Variants in CTNNA2 observed in about 807,000 individuals in gnomAD.
The protein encoded by CTNNA2 is catenin alpha-2.
Under a neutral mutation model 101.0 loss-of-function variants are expected in CTNNA2, and 42 were observed. That is an observed-to-expected ratio of 0.42 (90% CI 0.32 to 0.54). The LOEUF is 0.54. Ranked by LOEUF, CTNNA2 falls within the 20% of genes least tolerant of loss-of-function variation. CTNNA2 has a pLI of 0.14. For synonymous variants in CTNNA2, 450 were observed against 456.4 expected (o/e 0.99, Z 0.18); for missense variants, 871 against 1,223.1 (o/e 0.71, Z 4.29).
chr2:79,387,404 T>C (rs1446247422), intron 4 of CTNNA2, among the ~76,000 whole-genome samples: 1 of 152,232 alleles, frequency 6.6e-6, no homozygotes, highest in Non-Finnish European at 1.5e-5. Flanking sequence ...CATTCTGAAC[T>C]TGCTTCTGAA....
chr2:80,172,558 C>T (rs1443683741), intron 7 of CTNNA2, among the ~76,000 whole-genome samples: 4 of 152,204 alleles, frequency 2.6e-5, no homozygotes, highest in Admixed American at 2.6e-4. Context: ...TCTCAGGCTA[C>T]ACCTCAAGCC....
At chr2:79,847,729 C>A (rs1466140156) in intron 3 of CTNNA2, among the ~76,000 whole-genome samples, 4 of 152,096 alleles carry the variant, frequency 2.6e-5, no homozygotes, top group Admixed American at 6.6e-5. Flanking sequence ...CCTCTGTACT[C>A]TGCATTTCCT....
intron 4 of CTNNA2, among the ~76,000 whole-genome samples, chr2:79,466,665 C>T (rs1223997185): frequency 1.3e-5 from 2 of 152,188 alleles, no homozygotes; most frequent in Admixed American, 6.5e-5. Context: ...GCCGAGTACC[C>T]CTCTGAGACG....
At chr2:80,374,170 A>T (rs1021928028) in intron 7 of CTNNA2, among the ~76,000 whole-genome samples, 1 of 152,138 alleles carries the variant, frequency 6.6e-6, no homozygotes, top group African/African-American at 2.4e-5. Context: ...CCCATCATCC[A>T]GGTAGTAAAC....
chr2:79,222,869 C>G (rs1364530589), intron 2 of CTNNA2, among the ~76,000 whole-genome samples: 1 of 151,982 alleles, frequency 6.6e-6, no homozygotes, highest in Non-Finnish European at 1.5e-5. Context: ...GGCCCCAGAC[C>G]AAACACAGTG....
rs80350967 is a variant in CTNNA2, at chr2:80,116,042, A to G, written c.1056+206245A>G. Among the ~76,000 whole-genome samples, 69 of 140,204 alleles carry G rather than the reference A, an allele frequency of 4.9e-4. No homozygotes were observed. In the East Asian group the frequency reaches 0.016, roughly 33 times the overall value. The allele number at this position is 140,204 out of a possible 152,430, so 92.0% of individuals were successfully genotyped here. ...AAAGAATGTCTTATGGTATAGAATCAAGTTTAATAAACTTTTTTTTTTCCC... is the reference window on the plus strand; with the variant it reads ...AAAGAATGTCTTATGGTATAGAATCGAGTTTAATAAACTTTTTTTTTTCCC... On this transcript the variant is annotated intron_variant, in intron 7 of 18. Transcript: ENST00000402739.
chr2:80,127,319 G>C (rs1702193208), intron 7 of CTNNA2, among the ~76,000 whole-genome samples: 1 of 152,102 alleles, frequency 6.6e-6, no homozygotes, highest in African/African-American at 2.4e-5. Context: ...ATACACCTTA[G>C]CTTGCTGTCC....
intron 7 of CTNNA2, among the ~76,000 whole-genome samples, chr2:80,389,885 C>G (rs1049595901): frequency 7.2e-5 from 11 of 151,972 alleles, no homozygotes; most frequent in African/African-American, 2.7e-4. Context: ...CTGGAGAAAC[C>G]CAGGATCACA....
chr2:80,341,858 A>G (rs574131192), intron 7 of CTNNA2, among the ~76,000 whole-genome samples: 1 of 152,362 alleles, frequency 6.6e-6, no homozygotes, highest in East Asian at 1.9e-4. Flanking sequence ...TGCAGAGAAC[A>G]CAAATGTCTG....
At chr2:79,255,382 TAAGTAG>T (rs1674830591) in intron 2 of CTNNA2, among the ~76,000 whole-genome samples, 1 of 152,210 alleles carries the variant, frequency 6.6e-6, no homozygotes, top group Non-Finnish European at 1.5e-5. Context: ...CCAAATTTAC[TAAGTAG>T]AAGGTAAATT....
At chr2:79,646,580 G>A (rs566714240) in intron 1 of CTNNA2, among the ~76,000 whole-genome samples, 1 of 142,164 alleles carries the variant, frequency 7.0e-6, no homozygotes, top group South Asian at 2.2e-4. Flanking sequence ...TCAGGCTGGA[G>A]TGCAGTGGCA....
chr2:79,814,364 G>A (rs1401587152), intron 3 of CTNNA2, among the ~76,000 whole-genome samples: 4 of 152,048 alleles, frequency 2.6e-5, no homozygotes, highest in Non-Finnish European at 5.9e-5. Context: ...ACACTGCACC[G>A]TATTTGTAGT....
chr2:79,897,700 T>C (rs1684811227), intron 6 of CTNNA2, among the ~76,000 whole-genome samples: 1 of 152,238 alleles, frequency 6.6e-6, no homozygotes, highest in Non-Finnish European at 1.5e-5. Context: ...TTAGTCCATT[T>C]GTGCTTCTAA....
intron 7 of CTNNA2, among the ~76,000 whole-genome samples, chr2:80,183,085 TG>T (rs1705882819): frequency 6.6e-6 from 1 of 152,180 alleles, no homozygotes; most frequent in South Asian, 2.1e-4. Context: ...ATGGTATTCC[TG>T]GTATTATTCC....
Position 80,501,671 on chromosome 2 carries a change from C to T in CTNNA2, c.1291-43311C>T, listed in dbSNP as rs186461290. Among the ~76,000 whole-genome samples the T allele has an allele frequency of 1.0e-3, 158 of 152,252 alleles. 2 individuals are homozygous for T. Among genetic ancestry groups the T allele is most frequent in the South Asian group, 2.5e-3 (12 of 4,828 alleles). The stretch of plus-strand genomic sequence containing the variant: ...GTGCAAAGGATTTATTATGAATGTG[C>T]GTTCAGGAGGAACCCCTAAGGGAGT... On this transcript the variant is annotated intron_variant, in intron 9 of 18. Transcript: ENST00000402739.
At chr2:80,282,044 G>A (rs1171638362) in intron 7 of CTNNA2, among the ~76,000 whole-genome samples, 1 of 151,932 alleles carries the variant, frequency 6.6e-6, no homozygotes, top group African/African-American at 2.4e-5. Flanking sequence ...AATGATGCTA[G>A]CAACTGTTTC....
intron 1 of CTNNA2, among the ~76,000 whole-genome samples, chr2:79,583,206 CAT>C (rs564813016): frequency 5.0e-4 from 74 of 149,346 alleles, no homozygotes; most frequent in Admixed American, 1.1e-3. Context: ...GATATACACA[CAT>C]ATATATATAT....
chr2:80,575,510 G>A (rs1694966754), intron 13 of CTNNA2, among the ~76,000 whole-genome samples: 1 of 152,004 alleles, frequency 6.6e-6, no homozygotes, highest in Admixed American at 6.6e-5. Context: ...ATAAGAATTG[G>A]AAGAGAGGGC....
chr2:79,630,088 G>A (rs919535), intron 1 of CTNNA2, among the ~76,000 whole-genome samples: 73,882 of 152,028 alleles, frequency 0.49, 21,680 homozygotes, highest in African/African-American at 0.81. Flanking sequence ...AGATTGTCCA[G>A]TCTTAACCTT....
Sources: allele counts gnomAD v4.1 joint callset (sites outside exome capture counted in the v4.1 genomes callset), GRCh38; gene constraint gnomAD v4.1.1; transcripts MANE v1.5; gene names NCBI Gene and HGNC (gene_info 2026-07-23, HGNC 2026-07-21).